The following TRAF7 variants were observed in gnomAD, a reference collection of about 807,000 sequenced individuals.
The protein encoded by TRAF7 is TNF receptor associated factor 7.
A neutral mutation model predicts 89.3 loss-of-function variants in TRAF7; 45 were observed. The observed-to-expected ratio is 0.50, with a 90% CI of 0.40 to 0.65. TRAF7 has a LOEUF of 0.65. TRAF7 is among the 30% of genes least tolerant of loss of function. The pLI is 0.00. For missense variants in TRAF7, 677 were observed against 918.1 expected, an observed-to-expected ratio of 0.74 and a Z score of 3.39; for synonymous variants, 406 against 369.2, an observed-to-expected ratio of 1.10 and a Z score of -1.14.
intron 2 of TRAF7, among the ~76,000 whole-genome samples, chr16:2,165,083 C>T (rs2093078050): frequency 1.6e-5 from 2 of 122,842 alleles, no homozygotes; most frequent in Non-Finnish European, 1.6e-5. Context: ...TGCTGCATGG[C>T]CTGGCCTGGT....
intron 1 of TRAF7, among the ~76,000 whole-genome samples, chr16:2,160,675 G>A (rs929606225): frequency 6.6e-6 from 1 of 152,204 alleles, no homozygotes; most frequent in African/African-American, 2.4e-5. Context: ...GGCTTTTCCC[G>A]GTTTGGGAAG....
intron 7 of TRAF7, among the ~76,000 whole-genome samples, chr16:2,171,948 C>T (rs1052470849): frequency 6.6e-6 from 1 of 152,216 alleles, no homozygotes; most frequent in African/African-American, 2.4e-5. Flanking sequence ...TGCCTCTCCG[C>T]ACTCTGCCCT....
chr16:2,156,633 G>A (rs560824182), intron 1 of TRAF7, among the ~76,000 whole-genome samples: 15 of 151,868 alleles, frequency 9.9e-5, no homozygotes, highest in African/African-American at 3.4e-4. Context: ...GATGTACATA[G>A]GCCTGGGGTG....
intron 3 of TRAF7, among the ~76,000 whole-genome samples, chr16:2,167,069 CAG>C (rs1489882661): frequency 2.0e-5 from 3 of 152,212 alleles, no homozygotes; most frequent in Non-Finnish European, 4.4e-5. Flanking sequence ...GTGATCCCCT[CAG>C]GGGCTCTCCA....
intron 3 of TRAF7, 147 bp from the exon 4 acceptor site, chr16:2,167,930 A>G (rs904168551): frequency 1.5e-6 from 1 of 666,634 alleles, no homozygotes; most frequent in African/African-American, 1.8e-5. Context: ...CCCCCGTGCC[A>G]TCCCTGCATG....
intron 7 of TRAF7, 112 bp from the exon 8 acceptor site, chr16:2,172,079 G>T (rs970858851): frequency 7.6e-7 from 1 of 1,311,744 alleles, no homozygotes; most frequent in Non-Finnish European, 1.1e-6. Flanking sequence ...CATGTTGCGT[G>T]CCTCAGAGGC....
At chr16:2,160,284 C>T (rs1442188260) in intron 1 of TRAF7, among the ~76,000 whole-genome samples, 1 of 152,022 alleles carries the variant, frequency 6.6e-6, no homozygotes, top group Admixed American at 6.5e-5. Flanking sequence ...CCCCTCTGCA[C>T]GGTGCTGACC....
intron 14 of TRAF7, 125 bp downstream of exon 14, chr16:2,174,458 C>T (rs2093127103): frequency 7.1e-6 from 6 of 844,012 alleles, no homozygotes; most frequent in Non-Finnish European, 1.1e-5. Context: ...TATAGGGCAC[C>T]CTCCACCCGG....
intron 9 of TRAF7, 40 bp downstream of exon 9, chr16:2,172,639 A>G: frequency 6.5e-7 from 1 of 1,528,702 alleles, no homozygotes; most frequent in Non-Finnish European, 8.8e-7. Flanking sequence ...GGGTGGGCGC[A>G]GGCCCTCCAC....
At position 2,173,342 on chromosome 16, in the gene TRAF7, C is replaced by T. The variant is rs2093121582; in HGVS notation, c.955C>T (p.Leu319=). Residue 319 remains leucine, a synonymous_variant, in exon 10 of 21, where the codon CTG becomes TTG. Coordinates refer to ENST00000326181, the MANE Select transcript of TRAF7 (RefSeq NM_032271.3). Reference sequence around the variant, plus strand: ...GGAGATCGCCTTCCTGCGCTCCATGCTGGGAAAGCTCTCGGAGAAGATCGA... The same window carrying T: ...GGAGATCGCCTTCCTGCGCTCCATGTTGGGAAAGCTCTCGGAGAAGATCGA... ...DQEIAFLRSM[L]GKLSEKIDQL... is the part of the protein sequence containing the mutation. The T allele has an allele frequency of 1.9e-6, 3 of 1,613,616 alleles. No individual in the cohort carries two copies. The highest frequency in any genetic ancestry group is 1.6e-4 in the Middle Eastern group (1 of 6,062).
At position 2,162,927 on chromosome 16, in the gene TRAF7, C is replaced by G. The variant is rs1295439974; in HGVS notation, c.-38-956C>G. Among the ~76,000 whole-genome samples the G allele has an allele frequency of 6.6e-6, 1 of 151,818 alleles. No homozygotes were observed. Among genetic ancestry groups the G allele is most frequent in the East Asian group, 1.9e-4 (1 of 5,198 alleles). On this transcript the variant is annotated intron_variant, in intron 1 of 20. Transcript: ENST00000326181. This position sits in a 1 kb window ranked among gnomAD's most constrained non-coding sequence, Gnocchi z 5.0. ...GCTGCCCAAGTCCTGAAAGTGGGAC[C>G]TGCTCGGGAGGAGGGGCGCCTGCTG...
intron 15 of TRAF7, 29 bp downstream of exon 15, chr16:2,175,179 G>A: frequency 5.0e-6 from 8 of 1,613,304 alleles, no homozygotes; most frequent in Non-Finnish European, 6.8e-6. Context: ...CGGGTGGGCA[G>A]GAGGCGGCCC....
In TRAF7 at chr16:2,176,342, C is replaced by G. The variant is rs757737128; in HGVS notation, c.1956C>G (p.Ser652=). 9 of 1,604,380 alleles carry G rather than the reference C, an allele frequency of 5.6e-6. No homozygotes were observed. The highest frequency in any genetic ancestry group is 1.6e-4 in the Middle Eastern group (1 of 6,078). ...HQGSVTALAV[S]RGRLFSGAVD... is the part of the protein sequence containing the mutation. ...GCAGTGTCACCGCGCTGGCTGTGTC[C>G]CGGGGCCGACTCTTCTCAGGGGCTG... Residue 652 remains serine, a synonymous_variant, in exon 20 of 21, where the codon TCC becomes TCG. Coordinates refer to ENST00000326181, the MANE Select transcript of TRAF7 (RefSeq NM_032271.3).
In TRAF7 at chr16:2,163,731, T is replaced by C. The variant is rs1468890764; in HGVS notation, c.-38-152T>C. 1 of 627,082 alleles carries C rather than the reference T, an allele frequency of 1.6e-6. No homozygotes were observed. Among genetic ancestry groups the C allele is most frequent in the Non-Finnish European group, 2.9e-6 (1 of 350,316 alleles). The allele number at this position is 627,082 out of a possible 1,614,324, so 38.8% of individuals were successfully genotyped here. On this transcript the variant is annotated intron_variant, in intron 1 of 20. Transcript: ENST00000326181. The surrounding 1 kb of genome is among the most constrained non-coding windows in gnomAD (Gnocchi z 4.3). ...ATCGGGGTGAAGGACCTTTGCCTCC[T>C]AGAGGCCTGCCTGAGCCGGGGCTGG...
In TRAF7 at chr16:2,172,615, G is replaced by A; in HGVS notation, c.794+16G>A. ...CCAAGTACGGGTGAGTGGGGGGCGG[G>A]CGGGGGTGGGCCGGGGTGGGCGCAG... On this transcript the variant is annotated intron_variant, in intron 9 of 20. Coordinates refer to ENST00000326181, the MANE Select transcript of TRAF7 (RefSeq NM_032271.3). 6.8e-7 allele frequency: 1 copy of A among 1,462,336 alleles called. No homozygotes were observed. The highest frequency in any genetic ancestry group is 2.5e-5 in the East Asian group (1 of 40,094). The allele number at this position is 1,462,336 out of a possible 1,614,324, so 90.6% of individuals were successfully genotyped here. A position where few individuals can be genotyped will look rare whatever the true frequency, so the allele number is the denominator to read the frequency against.
Position 2,170,642 on chromosome 16 carries a change from A to G in TRAF7, c.260A>G (p.Asp87Gly). ...CCCATCAGCACTCCCCGCCGCTCCG[A>G]CTCCGCCATCTCTGTCCGCTCCCTG... ...MPPISTPRRS[D>G]SAISVRSLHS... is the part of the protein sequence containing the mutation. The change falls in exon 5 of 21, where the codon GAC (aspartate) becomes GGC (glycine). Residue 87 changes from aspartate to glycine, a missense_variant. By Grantham distance (94) the Asp-to-Gly change is moderately conservative (BLOSUM62 -1). Transcript: ENST00000326181. 1.9e-6 allele frequency: 3 copies of G among 1,609,754 alleles called. No individual in the cohort carries two copies. The highest frequency in any genetic ancestry group is 2.5e-6 in the Non-Finnish European group (3 of 1,178,586).
At chr16:2,164,159 T>TGTGTGTGTGTGTGTGC (rs879079517) in intron 2 of TRAF7, among the ~76,000 whole-genome samples, 158 bp downstream of exon 2, 19 of 126,076 alleles carry the variant, frequency 1.5e-4, no homozygotes, top group Non-Finnish European at 2.3e-4. Flanking sequence ...TGTGTGTGTG[T>TGTGTGTGTGTGTGTGC]GCGCGCGCGC....
intron 3 of TRAF7, 86 bp downstream of exon 3, chr16:2,166,022 C>G: frequency 6.5e-7 from 1 of 1,542,246 alleles, no homozygotes; most frequent in Non-Finnish European, 8.9e-7. Context: ...GGGACACTTC[C>G]CGGTGAGCTG....
At position 2,176,558 on chromosome 16, in the gene TRAF7, A is replaced by G; in HGVS notation, c.1999-2A>G. 6.2e-7 allele frequency: 1 copy of G among 1,613,324 alleles called. No individual in the cohort carries two copies. The highest frequency in any genetic ancestry group is 8.5e-7 in the Non-Finnish European group (1 of 1,179,980). ...CCTGGTGAAGCAGCCCTTTCTCTGC[A>G]GGTTTGGACTTGCTAACAGGATCCA... On this transcript the variant is annotated splice_acceptor_variant, in intron 20 of 20. Coordinates refer to ENST00000326181, the MANE Select transcript of TRAF7 (RefSeq NM_032271.3). LOFTEE classifies it high-confidence loss of function.
Sources: allele counts gnomAD v4.1 joint callset (sites outside exome capture counted in the v4.1 genomes callset), GRCh38; gene constraint gnomAD v4.1.1; non-coding constraint Gnocchi (gnomAD v3.1); transcripts MANE v1.5; gene names NCBI Gene and HGNC (gene_info 2026-07-23, HGNC 2026-07-21).